Variants in ASB2 observed in about 807,000 individuals in gnomAD.
ASB2 encodes ankyrin repeat and SOCS box containing 2, also known as ankyrin repeat and SOCS box protein 2.
In ASB2, 58 loss-of-function variants were observed where a neutral mutation model predicts 62.4. The ratio of observed to expected loss-of-function variants is 0.93; its 90% CI spans 0.75 to 1.16. The LOEUF (loss-of-function observed/expected upper bound fraction) is 1.16. Ranked by LOEUF, ASB2 falls within the 50% of genes most tolerant of loss-of-function variation. The pLI, the probability that ASB2 is intolerant of heterozygous loss-of-function variation, is 0.00. For missense variants in ASB2, 928 were observed against 887.9 expected (o/e 1.05, Z -0.57); for synonymous variants, 386 against 385.3 (o/e 1.00, Z -0.02).
At chr14:93,940,351 T>A (rs1007097327) in intron 7 of ASB2, 2 of 152,262 alleles carry the variant, frequency 1.3e-5, no homozygotes, top group African/African-American at 4.8e-5. Flanking sequence ...GTCAAGACTC[T>A]GAGAGATTAA....
intron 5 of ASB2, among the ~76,000 whole-genome samples, chr14:93,951,752 C>T (rs1888977564): frequency 6.6e-6 from 1 of 152,230 alleles, no homozygotes; most frequent in South Asian, 2.1e-4. Context: ...ATTACCAAGG[C>T]TGGAAGAATC....
intron 1 of ASB2, among the ~76,000 whole-genome samples, chr14:93,971,227 C>A (rs1256142779): frequency 6.6e-6 from 1 of 152,216 alleles, no homozygotes; most frequent in Non-Finnish European, 1.5e-5. Flanking sequence ...GTGCGCAGAG[C>A]CTGCCGGGTG....
intron 6 of ASB2, chr14:93,948,359 G>A (rs942847615): frequency 6.5e-6 from 1 of 154,212 alleles, no homozygotes; most frequent in Non-Finnish European, 1.5e-5. Flanking sequence ...ATGTAAGAGG[G>A]CCTGGGCTCT....
Position 93,947,977 on chromosome 14 carries a change from A to G in ASB2, c.881-457T>C, listed in dbSNP as rs557883305. ...CCATTGCACTCCAGCCTGGGCAACA[A>G]GAGTGAAACTCCGCCTGGAAAAAAA... On this transcript the variant is annotated intron_variant, in intron 6 of 9. Transcript: ENST00000555019. 3.1e-5 allele frequency among the ~76,000 whole-genome samples: 4 copies of G among 129,448 alleles called. No individual in the cohort carries two copies. In the Admixed American group the frequency reaches 3.4e-4, roughly 11 times the overall value. 84.9% of individuals were successfully genotyped at this position (129,448 alleles called of 152,430 possible).
chr14:93,937,625 C>T, intron 9 of ASB2, 73 bp downstream of exon 9: 2 of 1,484,842 alleles, frequency 1.3e-6, no homozygotes, highest in East Asian at 2.4e-5. Context: ...GGAACAGTCG[C>T]ACTCCCTGAG....
intron 7 of ASB2, among the ~76,000 whole-genome samples, chr14:93,943,392 C>T (rs1428192437): frequency 3.3e-5 from 5 of 152,296 alleles, no homozygotes; most frequent in Non-Finnish European, 4.4e-5. Context: ...CGCCTGTAAT[C>T]GGAGCACTTT....
intron 2 of ASB2, among the ~76,000 whole-genome samples, chr14:93,958,980 T>C (rs1889318634): frequency 1.3e-5 from 2 of 152,124 alleles, no homozygotes; most frequent in Admixed American, 1.3e-4. Flanking sequence ...GATGTTGAGG[T>C]TGATGGAGGT....
At chr14:93,951,275 C>A in intron 5 of ASB2, 31 bp from the exon 6 acceptor site, 2 of 1,564,864 alleles carry the variant, frequency 1.3e-6, no homozygotes, top group Admixed American at 1.7e-5. Context: ...GGATGGTCAG[C>A]AGGGCCTGGC....
rs1447173456 is a variant in ASB2 at position 93,934,497 on chromosome 14, GC to G, written c.*158del. ...TTCTCTGCTCTGGCCAAAGCTCTGG[GC>G]CCTGAGACCCAGTGAGATCCTGGTA... On this transcript the variant is annotated 3_prime_UTR_variant, in exon 10 of 10. Transcript: ENST00000555019. 9 of 661,900 alleles carry G rather than the reference GC, an allele frequency of 1.4e-5. No individual in the cohort carries two copies. Among genetic ancestry groups the G allele is most frequent in the Middle Eastern group, 4.2e-4 (1 of 2,394 alleles). 41.0% of individuals were successfully genotyped at this position (661,900 alleles called of 1,614,324 possible).
Position 93,958,815 on chromosome 14 carries a change from C to T in ASB2, c.207-1945G>A, listed in dbSNP as rs149229751. 2.6e-5 allele frequency among the ~76,000 whole-genome samples: 4 copies of T among 152,328 alleles called. No individual in the cohort carries two copies. In the East Asian group the frequency reaches 5.8e-4, roughly 22 times the overall value. On this transcript the variant is annotated intron_variant, in intron 2 of 9. Transcript: ENST00000555019. ...TCCACCTCCCAGGATCCTTGGGTCA[C>T]GGCCACCCTCATACTTAGTGCATGT...
chr14:93,959,033 G>A (rs1191421960), intron 2 of ASB2, among the ~76,000 whole-genome samples: 2 of 152,196 alleles, frequency 1.3e-5, no homozygotes, highest in Admixed American at 1.3e-4. Flanking sequence ...AACTGTGCAG[G>A]GCAAATGTTC....
intron 1 of ASB2, among the ~76,000 whole-genome samples, chr14:93,976,181 A>T (rs1224389045): frequency 6.6e-6 from 1 of 152,236 alleles, no homozygotes; most frequent in African/African-American, 2.4e-5. Flanking sequence ...AGAAGTGCAC[A>T]GCAGAGTGAT....
chr14:93,957,052 C>G, intron 2 of ASB2, 182 bp from the exon 3 acceptor site: 2 of 1,476,364 alleles, frequency 1.4e-6, no homozygotes, highest in East Asian at 4.8e-5. Context: ...TGCTGTGTCT[C>G]CGGATTATTT....
intron 2 of ASB2, among the ~76,000 whole-genome samples, chr14:93,962,065 G>A (rs370859800): frequency 1.5e-4 from 23 of 150,404 alleles, no homozygotes; most frequent in South Asian, 8.4e-4. Context: ...CATGGGAGGT[G>A]CTCAATGTGC....
At chr14:93,969,271 G>A (rs1340232943) in intron 1 of ASB2, among the ~76,000 whole-genome samples, 1 of 152,182 alleles carries the variant, frequency 6.6e-6, no homozygotes, top group East Asian at 1.9e-4. Context: ...TGCTATGGCG[G>A]CGTCTCCTGG....
intron 3 of ASB2, among the ~76,000 whole-genome samples, chr14:93,955,740 A>G (rs1216896952): frequency 1.3e-5 from 2 of 152,150 alleles, no homozygotes; most frequent in African/African-American, 2.4e-5. Context: ...CAGCTTCTCC[A>G]TGACCTCAGG....
rs114924111 is a variant in ASB2 at position 93,962,080 on chromosome 14, G to T, written c.206+2254C>A. Among the ~76,000 whole-genome samples the T allele has an allele frequency of 6.6e-3, 1,005 of 151,474 alleles. 5 individuals are homozygous for T. The highest frequency in any genetic ancestry group is 0.024 in the African/African-American group (969 of 41,210). On this transcript the variant is annotated intron_variant, in intron 2 of 9. Transcript: ENST00000555019. Reference sequence around the variant, plus strand: ...CATGGGAGGTGCTCAATGTGCATTTGGGGGGAGAAGAATTTCATTAAACAT... The same window carrying T: ...CATGGGAGGTGCTCAATGTGCATTTTGGGGGAGAAGAATTTCATTAAACAT...
At position 93,939,552 on chromosome 14, in the gene ASB2, C is replaced by A. The variant is rs765147395; in HGVS notation, c.1173G>T (p.Ala391=). The A allele has an allele frequency of 1.3e-5, 21 of 1,598,216 alleles. No individual in the cohort carries two copies. The highest frequency in any genetic ancestry group is 7.8e-5 in the South Asian group (7 of 89,942). Residue 391 remains alanine (A), a synonymous_variant, in exon 8 of 10, where the codon GCG becomes GCT. Coordinates refer to ENST00000555019, the MANE Select transcript of ASB2 (RefSeq NM_001202429.2). ...HDEVLEALLS[A]RFDVNTPLAP... Reference sequence around the variant, plus strand: ...CCAGCGGCGTGTTCACGTCGAAGCGCGCGCTCAGCAGCGCCTCCAGCACCT... The same window carrying A: ...CCAGCGGCGTGTTCACGTCGAAGCGAGCGCTCAGCAGCGCCTCCAGCACCT...
chr14:93,953,959 C>A (rs1284829048), intron 4 of ASB2, among the ~76,000 whole-genome samples: 2 of 152,210 alleles, frequency 1.3e-5, no homozygotes, highest in Non-Finnish European at 2.9e-5. Context: ...GGTCCCACAG[C>A]AGGTGGGGGA....
Sources: allele counts gnomAD v4.1 joint callset (sites outside exome capture counted in the v4.1 genomes callset), GRCh38; gene constraint gnomAD v4.1.1; transcripts MANE v1.5; gene names NCBI Gene and HGNC (gene_info 2026-07-23, HGNC 2026-07-21).